Variants in NR3C1 observed in about 807,000 individuals in gnomAD.
NR3C1 encodes the protein nuclear receptor subfamily 3 group C member 1.
NR3C1 carries 14 observed loss-of-function variants against 74.0 expected under a neutral mutation model. That is an observed-to-expected ratio of 0.19 (90% CI 0.12 to 0.30). The LOEUF is 0.30. Ranked by LOEUF, NR3C1 falls within the 10% of genes least tolerant of loss-of-function variation. NR3C1 has a pLI of 1.00. For missense variants in NR3C1, 695 were observed against 909.8 expected (o/e 0.76, Z 3.04); for synonymous variants, 308 against 332.5 (o/e 0.93, Z 0.80).
At chr5:143,398,480 C>T (rs1839660789) in intron 2 of NR3C1, among the ~76,000 whole-genome samples, 1 of 150,836 alleles carries the variant, frequency 6.6e-6, no homozygotes, top group Non-Finnish European at 1.5e-5. Flanking sequence ...AAAGAGACAT[C>T]CTCCAGGTTA....
upstream of NR3C1, among the ~76,000 whole-genome samples, chr5:143,406,051 T>C (rs1239034994): frequency 2.0e-5 from 3 of 152,084 alleles, no homozygotes; most frequent in Non-Finnish European, 4.4e-5. Flanking sequence ...CTAATAATTA[T>C]CCTTGTACAC....
rs369138171 is a variant in NR3C1 at position 143,282,747 on chromosome 5, A to G, written c.2024-22T>C. ...GGAACTAAAAGGTTAAGATGAAGTC[A>G]GTTAAAGGATTTTCTTTTTCTTTTC... On this transcript the variant is annotated intron_variant, in intron 7 of 8. Coordinates refer to ENST00000394464, the MANE Select transcript of NR3C1 (RefSeq NM_000176.3). 4 of 1,604,082 alleles carry G rather than the reference A, an allele frequency of 2.5e-6. No homozygotes were observed. The African/African-American group carries it at 4.1e-5, about 16-fold the overall frequency.
At chr5:143,350,167 T>G (rs1829984124) in intron 2 of NR3C1, among the ~76,000 whole-genome samples, 1 of 151,920 alleles carries the variant, frequency 6.6e-6, no homozygotes, top group Non-Finnish European at 1.5e-5. Flanking sequence ...AACCCTAGGG[T>G]GTTCTAAAGA....
chr5:143,365,234 T>C (rs879775091), intron 2 of NR3C1, among the ~76,000 whole-genome samples: 8 of 152,182 alleles, frequency 5.3e-5, no homozygotes, highest in African/African-American at 9.7e-5. Flanking sequence ...ACATTAAATG[T>C]CAATGGTTTA....
rs1812788566 is a variant in NR3C1 at position 143,279,470 on chromosome 5, T to C, written c.*2419A>G. ...TCTTTTTGAAACTTAACACTGTCAT[T>C]GATAAGAATATTCAAGCAGTTTTCT... is the stretch of plus-strand genomic sequence containing the variant. On this transcript the variant is annotated 3_prime_UTR_variant, in exon 9 of 9. Transcript: ENST00000394464. The C allele has an allele frequency of 7.6e-6, 11 of 1,455,114 alleles. No individual in the cohort carries two copies. The South Asian group carries it at 1.6e-4, about 22-fold the overall frequency. The allele number at this position is 1,455,114 out of a possible 1,614,324, so 90.1% of individuals were successfully genotyped here. A position where few individuals can be genotyped will look rare whatever the true frequency, so the allele number is the denominator to read the frequency against.
intron 2 of NR3C1, among the ~76,000 whole-genome samples, chr5:143,379,931 G>A (rs1835887166): frequency 6.6e-6 from 1 of 152,182 alleles, no homozygotes; most frequent in African/African-American, 2.4e-5. Flanking sequence ...AATTTTAAAA[G>A]CAGTCAGCTC....
chr5:143,396,716 T>C (rs1179994353), intron 2 of NR3C1, among the ~76,000 whole-genome samples: 5 of 151,818 alleles, frequency 3.3e-5, no homozygotes, highest in East Asian at 1.9e-4. Context: ...TGCCGAAAAC[T>C]GAATTTACAA....
chr5:143,354,268 T>G (rs1158827652), intron 2 of NR3C1, among the ~76,000 whole-genome samples: 4 of 152,270 alleles, frequency 2.6e-5, no homozygotes, highest in Admixed American at 2.6e-4. Flanking sequence ...ATTCACATGT[T>G]TGCTGGAGTA....
intron 2 of NR3C1, among the ~76,000 whole-genome samples, chr5:143,323,541 T>G (rs953118703): frequency 7.9e-5 from 12 of 151,912 alleles, no homozygotes; most frequent in African/African-American, 2.9e-4. Context: ...GAGATTAGGG[T>G]GGGGACACAG....
chr5:143,294,588 T>C (rs1335935194), intron 7 of NR3C1, among the ~76,000 whole-genome samples: 2 of 152,198 alleles, frequency 1.3e-5, no homozygotes, highest in African/African-American at 2.4e-5. Flanking sequence ...CATTGTAGTA[T>C]CATACGAAGT....
At chr5:143,417,406 T>C (rs1750965206) in intron 1 of NR3C1, among the ~76,000 whole-genome samples, 2 of 152,150 alleles carry the variant, frequency 1.3e-5, no homozygotes, top group African/African-American at 4.8e-5. Flanking sequence ...AATAGACATT[T>C]ATTTACTTAT....
At chr5:143,379,630 G>A (rs1185475751) in intron 2 of NR3C1, among the ~76,000 whole-genome samples, 6 of 152,164 alleles carry the variant, frequency 3.9e-5, no homozygotes, top group East Asian at 1.9e-4. Flanking sequence ...GACTAGCCCC[G>A]TGATTTGCTT....
At chr5:143,402,471 G>A (rs922396588) in intron 1 of NR3C1, 5 of 417,322 alleles carry the variant, frequency 1.2e-5, no homozygotes, top group South Asian at 2.0e-4. Context: ...GTTACAGGGG[G>A]TCTTTTTCTA....
exon 1 of NR3C1, chr5:143,434,834 T>G: frequency 1.0e-6 from 1 of 985,452 alleles, no homozygotes; most frequent in Non-Finnish European, 1.2e-6. Context: ...GCAGATTCCT[T>G]TTTTCAGAAG....
chr5:143,413,431 CAG>C (rs1446767455), intron 1 of NR3C1, among the ~76,000 whole-genome samples: 5 of 151,934 alleles, frequency 3.3e-5, no homozygotes, highest in Admixed American at 1.3e-4. Flanking sequence ...CTGTTAAAAA[CAG>C]AGTTTTTTGA....
chr5:143,382,295 CCTA>C (rs1226995680), intron 2 of NR3C1, among the ~76,000 whole-genome samples: 2 of 151,952 alleles, frequency 1.3e-5, no homozygotes, highest in Non-Finnish European at 2.9e-5. Flanking sequence ...AATATATATG[CCTA>C]CTATATACCC....
chr5:143,324,471 C>A (rs989763971), intron 2 of NR3C1, among the ~76,000 whole-genome samples: 1 of 152,196 alleles, frequency 6.6e-6, no homozygotes, highest in Non-Finnish European at 1.5e-5. Context: ...CTAGCCTACA[C>A]ATAGCATGAG....
chr5:143,401,524 T>A (rs1840279562), intron 1 of NR3C1: 1 of 153,988 alleles, frequency 6.5e-6, no homozygotes, highest in Admixed American at 6.4e-5. Flanking sequence ...CTCCAAATTT[T>A]GGATATATGA....
At chr5:143,414,948 G>C (rs956098315) in intron 1 of NR3C1, among the ~76,000 whole-genome samples, 6 of 152,168 alleles carry the variant, frequency 3.9e-5, no homozygotes, top group Non-Finnish European at 2.9e-5. Flanking sequence ...ATGAGTTATG[G>C]ATATGACAAA....
Sources: allele counts gnomAD v4.1 joint callset (sites outside exome capture counted in the v4.1 genomes callset), GRCh38; gene constraint gnomAD v4.1.1; transcripts MANE v1.5; gene names NCBI Gene and HGNC (gene_info 2026-07-23, HGNC 2026-07-21).